The following LRBA variants were observed in gnomAD, a reference collection of about 807,000 sequenced individuals.
LRBA encodes the protein lipopolysaccharide-responsive and beige-like anchor protein.
A neutral mutation model predicts 330.0 loss-of-function variants in LRBA; 176 were observed. The observed-to-expected ratio is 0.53, with a 90% CI of 0.47 to 0.60. The LOEUF (loss-of-function observed/expected upper bound fraction) is 0.60, where lower values mean the gene tolerates loss of function less well. LRBA is among the 20% of genes least tolerant of loss of function. The pLI is 0.00. For synonymous variants in LRBA, 1,230 were observed against 1,193.0 expected (o/e 1.03, Z -0.64); for missense variants, 3,259 against 3,444.8 (o/e 0.95, Z 1.35).
chr4:150,374,281 C>A (rs756213922), intron 47 of LRBA, among the ~76,000 whole-genome samples: 2 of 152,188 alleles, frequency 1.3e-5, no homozygotes, highest in African/African-American at 4.8e-5. Flanking sequence ...AGACACATTT[C>A]CTTGTCTCCC....
Position 150,288,192 on chromosome 4 carries a change from C to T in LRBA, c.8018-2158G>A, listed in dbSNP as rs1748390422. ...ATTTTTAGTAGAGACGGGGTTTCAC[C>T]GTGGTCTCGATCTCCTGACCTCGTG... On this transcript the variant is annotated intron_variant, in intron 53 of 56. Coordinates refer to ENST00000651943, the MANE Select transcript of LRBA (RefSeq NM_001364905.1). 3.3e-5 allele frequency among the ~76,000 whole-genome samples: 5 copies of T among 152,008 alleles called. No individual in the cohort carries two copies. In the South Asian group the frequency reaches 8.3e-4, roughly 25 times the overall value.
intron 56 of LRBA, among the ~76,000 whole-genome samples, chr4:150,270,898 G>C (rs1746001889): frequency 6.6e-6 from 1 of 152,192 alleles, no homozygotes; most frequent in Non-Finnish European, 1.5e-5. Context: ...TGATAAAGAT[G>C]ATGATACTTC....
At chr4:150,954,956 A>G (rs954429043) in intron 2 of LRBA, among the ~76,000 whole-genome samples, 6 of 148,896 alleles carry the variant, frequency 4.0e-5, no homozygotes, top group Admixed American at 1.3e-4. Context: ...ACACTCCTAA[A>G]TAGCCTATAT....
chr4:150,418,010 T>C (rs1025272460), intron 46 of LRBA, among the ~76,000 whole-genome samples: 1 of 151,526 alleles, frequency 6.6e-6, no homozygotes, highest in Non-Finnish European at 1.5e-5. Context: ...CAAGTTTTTT[T>C]GGTTTTTTGT....
At chr4:150,510,895 G>A (rs1292560312) in intron 40 of LRBA, among the ~76,000 whole-genome samples, 3 of 151,522 alleles carry the variant, frequency 2.0e-5, no homozygotes, top group East Asian at 1.9e-4. Context: ...TCACTCTGTC[G>A]CCCAAGCTGG....
rs559362059 is a variant in LRBA, at chr4:150,756,833, TTAAG to T, written c.5645+4946_5645+4949del. ...CTCTAAAAGGTGGCTTTAATATTCT[TTAAG>T]TTCTTTAAAACTATTAGTTTAGAGA... is the stretch of plus-strand genomic sequence containing the variant. On this transcript the variant is annotated intron_variant, in intron 35 of 56. Coordinates refer to ENST00000651943, the MANE Select transcript of LRBA (RefSeq NM_001364905.1). Among the ~76,000 whole-genome samples the T allele has an allele frequency of 2.2e-3, 331 of 152,270 alleles. 1 individual carries two copies. Among genetic ancestry groups the T allele is most frequent in the African/African-American group, 7.6e-3 (316 of 41,578 alleles).
At chr4:150,575,462 AAT>A (rs1271116387) in intron 40 of LRBA, among the ~76,000 whole-genome samples, 5 of 151,946 alleles carry the variant, frequency 3.3e-5, no homozygotes, top group Non-Finnish European at 7.4e-5. Context: ...TACTATTCAT[AAT>A]AATATAGAGT....
chr4:150,905,103 C>T (rs1560985926), intron 13 of LRBA, among the ~76,000 whole-genome samples: 1 of 151,952 alleles, frequency 6.6e-6, no homozygotes, highest in Non-Finnish European at 1.5e-5. Context: ...CAATGTATTA[C>T]AACACTAGGA....
intron 11 of LRBA, 66 bp from the exon 12 acceptor site, chr4:150,906,471 A>C: frequency 7.1e-6 from 6 of 839,794 alleles, no homozygotes; most frequent in Non-Finnish European, 1.2e-5. Context: ...TAGGTTAGAT[A>C]GATGTAACCC....
intron 5 of LRBA, among the ~76,000 whole-genome samples, chr4:150,920,825 T>C (rs756385561): frequency 1.3e-5 from 2 of 151,816 alleles, no homozygotes; most frequent in Non-Finnish European, 2.9e-5. Flanking sequence ...TATCATTCTA[T>C]ACACAAGGTA....
rs1486293473 is a variant in LRBA at position 150,916,468 on chromosome 4, ACAAT to A, written c.823_826del (p.Ile275Ter). ...TTTTCCTTTTGACTTTATTGATGTTACAATCAAACAGCCTCCAACAAAATGAGCA... is the reference window on the plus strand; with the variant it reads ...TTTTCCTTTTGACTTTATTGATGTTACAAACAGCCTCCAACAAAATGAGCA... On this transcript the variant is annotated frameshift_variant, in exon 7 of 57. Coordinates refer to ENST00000651943, the MANE Select transcript of LRBA (RefSeq NM_001364905.1). LOFTEE classifies it high-confidence loss of function. 1 of 1,613,764 alleles carries A rather than the reference ACAAT, an allele frequency of 6.2e-7. No individual in the cohort carries two copies. Among genetic ancestry groups the A allele is most frequent in the South Asian group, 1.1e-5 (1 of 91,068 alleles).
intron 40 of LRBA, among the ~76,000 whole-genome samples, chr4:150,511,057 C>T (rs1016734335): frequency 2.0e-5 from 3 of 151,994 alleles, no homozygotes; most frequent in Non-Finnish European, 4.4e-5. Context: ...AGGGTTTCAC[C>T]ATGTTGGCTA....
intron 40 of LRBA, chr4:150,582,826 G>A: frequency 2.0e-6 from 1 of 510,438 alleles, no homozygotes; most frequent in Non-Finnish European, 3.4e-6. Context: ...CAGAAGAAAA[G>A]AGGTTTCGAA....
At position 150,960,749 on chromosome 4, in the gene LRBA, T is replaced by C. The variant is rs561209629; in HGVS notation, c.217-31684A>G. ...TGGTTTGGTTTTTCAATAGTTACAG[T>C]TTTACAATAAAAATTTTTATGAGAA... On this transcript the variant is annotated intron_variant, in intron 2 of 56. Transcript: ENST00000651943. 2.7e-4 allele frequency among the ~76,000 whole-genome samples: 40 copies of C among 149,262 alleles called. No homozygotes were observed. The South Asian group carries it at 8.1e-3, about 30-fold the overall frequency.
intron 2 of LRBA, among the ~76,000 whole-genome samples, chr4:150,991,464 T>A (rs192632756): frequency 6.0e-4 from 92 of 152,324 alleles, no homozygotes; most frequent in African/African-American, 2.2e-3. Flanking sequence ...AATAGAATAC[T>A]TCTCAGCAAA....
chr4:150,284,454 A>C (rs1015490573), intron 54 of LRBA, among the ~76,000 whole-genome samples: 1 of 152,234 alleles, frequency 6.6e-6, no homozygotes, highest in African/African-American at 2.4e-5. Context: ...CAAATGTTTT[A>C]AATTACAGTG....
chr4:150,334,811 G>GT (rs1332423069), intron 48 of LRBA, among the ~76,000 whole-genome samples: 2 of 143,966 alleles, frequency 1.4e-5, no homozygotes, highest in East Asian at 2.0e-4. Flanking sequence ...TCATTATTAA[G>GT]TTTTTTTTGT....
chr4:150,837,704 C>T (rs1748359101), intron 28 of LRBA, among the ~76,000 whole-genome samples: 1 of 152,096 alleles, frequency 6.6e-6, no homozygotes, highest in Admixed American at 6.6e-5. Flanking sequence ...TGAGATGGGT[C>T]TCCTGAATAC....
intron 37 of LRBA, among the ~76,000 whole-genome samples, chr4:150,682,915 T>C (rs1303117808): frequency 6.6e-6 from 1 of 152,068 alleles, no homozygotes; most frequent in Non-Finnish European, 1.5e-5. Flanking sequence ...ATATAATTTG[T>C]CCAAGTTCCT....
Sources: gnomAD v4.1 joint callset for allele counts (sites outside exome capture counted in the v4.1 genomes callset) on GRCh38, gnomAD v4.1.1 for gene constraint, MANE v1.5 for transcripts, NCBI Gene and HGNC (gene_info 2026-07-23, HGNC 2026-07-21) for gene names.